The following TRAP1 variants were observed in gnomAD, a reference collection of about 807,000 sequenced individuals.
TRAP1 encodes the protein TNF receptor associated protein 1, also known as heat shock protein 75 kDa, mitochondrial.
TRAP1 carries 102 observed loss-of-function variants against 89.1 expected under a neutral mutation model. The observed-to-expected ratio is 1.15, with a 90% CI of 0.98 to 1.35. TRAP1 has a LOEUF of 1.35. Among genes scored for constraint, TRAP1 ranks in the 40% most tolerant of loss-of-function variants. The pLI is 0.00. For missense variants in TRAP1, 1,256 were observed against 945.3 expected, an observed-to-expected ratio of 1.33 and a Z score of -4.31; for synonymous variants, 508 against 388.0, an observed-to-expected ratio of 1.31 and a Z score of -3.64.
intron 4 of TRAP1, among the ~76,000 whole-genome samples, chr16:3,684,549 G>T (rs1300021800): frequency 6.6e-6 from 1 of 152,116 alleles, no homozygotes; most frequent in African/African-American, 2.4e-5. Context: ...CTAACACTTG[G>T]GAGGCCAAGG....
rs376671582 is a variant in TRAP1 at position 3,662,831 on chromosome 16, C to T, written c.1794+51G>A. On this transcript the variant is annotated intron_variant, in intron 15 of 17. Coordinates refer to ENST00000246957, the MANE Select transcript of TRAP1 (RefSeq NM_016292.3). ...TACTGGGAGCCACCAGCTGGCCAGCCTGTTAGGGACACTGCGGCCAAGTGG... is the reference window on the plus strand; with the variant it reads ...TACTGGGAGCCACCAGCTGGCCAGCTTGTTAGGGACACTGCGGCCAAGTGG... 2.5e-6 allele frequency: 4 copies of T among 1,583,904 alleles called. No homozygotes were observed. The Admixed American group carries it at 5.0e-5, about 20-fold the overall frequency.
At chr16:3,700,074 AG>A (rs1472303376) in intron 1 of TRAP1, among the ~76,000 whole-genome samples, 3 of 152,188 alleles carry the variant, frequency 2.0e-5, no homozygotes, top group African/African-American at 7.2e-5. Flanking sequence ...AAATTAGGGC[AG>A]GAAAAAGCTT....
In TRAP1 at chr16:3,672,779, G is replaced by A. The variant is rs370231813; in HGVS notation, c.1086C>T (p.Ser362=). ...MFDVSRELGS[S]VALYSRKVLI... ...GGACTTTGCGGCTGTACAGTGCAAC[G>A]CTGGAGCCCAGCTCCCGGCTCACAT... Residue 362 remains serine (S), a synonymous_variant, in exon 10 of 18, where the codon AGC becomes AGT. Transcript: ENST00000246957. 5.0e-5 allele frequency: 81 copies of A among 1,612,528 alleles called. No homozygotes were observed. In the Admixed American group the frequency reaches 5.9e-4, roughly 12 times the overall value.
At chr16:3,675,082 G>C (rs1370047280) in intron 8 of TRAP1, among the ~76,000 whole-genome samples, 2 of 152,196 alleles carry the variant, frequency 1.3e-5, no homozygotes, top group East Asian at 3.9e-4. Flanking sequence ...TGGTGAGCCA[G>C]CTGGGATGGG....
At chr16:3,660,351 A>G (rs2043001057) in intron 16 of TRAP1, 1 of 152,268 alleles carries the variant, frequency 6.6e-6, no homozygotes, top group Non-Finnish European at 1.5e-5. Flanking sequence ...ATGAAAGTGA[A>G]GCTGGCTGGG....
intron 15 of TRAP1, 134 bp downstream of exon 15, chr16:3,662,748 G>T (rs1021050145): frequency 2.5e-6 from 2 of 814,450 alleles, no homozygotes; most frequent in African/African-American, 1.7e-5. Context: ...GACCCACAGG[G>T]TCTCCACCTG....
At chr16:3,663,157 T>C in intron 14 of TRAP1, 190 bp from the exon 15 acceptor site, 1 of 655,860 alleles carries the variant, frequency 1.5e-6, no homozygotes, top group South Asian at 2.0e-5. Flanking sequence ...CCATACAACT[T>C]GGTTAGGGCT....
At chr16:3,709,112 G>C (rs1045238241) in intron 1 of TRAP1, among the ~76,000 whole-genome samples, 7 of 150,906 alleles carry the variant, frequency 4.6e-5, no homozygotes, top group African/African-American at 1.7e-4. Context: ...ACCGTGCCTG[G>C]CCCGACACTG....
At chr16:3,678,393 C>G (rs1222176113) in intron 5 of TRAP1, 3 of 152,236 alleles carry the variant, frequency 2.0e-5, no homozygotes, top group Non-Finnish European at 4.4e-5. Flanking sequence ...AGACCAACCT[C>G]GAGAGAAATA....
intron 1 of TRAP1, among the ~76,000 whole-genome samples, chr16:3,702,415 A>G (rs1435635937): frequency 6.6e-6 from 1 of 151,690 alleles, no homozygotes; most frequent in Non-Finnish European, 1.5e-5. Flanking sequence ...AAGTTTTTTG[A>G]GAAAAGACTT....
At position 3,662,929 on chromosome 16, in the gene TRAP1, T is replaced by C. The variant is rs371118456; in HGVS notation, c.1747A>G (p.Met583Val). The change falls in exon 15 of 18, where the codon ATG (methionine) becomes GTG (valine). Residue 583 changes from methionine (M) to valine (V), a missense_variant. By Grantham distance (21) the Met-to-Val change is conservative. Coordinates refer to ENST00000246957, the MANE Select transcript of TRAP1 (RefSeq NM_016292.3). Reference protein sequence around the residue: ...CLSEKETEELMAWMRNVLGSR... With the variant: ...CLSEKETEELVAWMRNVLGSR... ...CCCAGCACATTTCTCATCCAGGCCA[T>C]GAGCTCCTCCGTCTCCTTCTCTGAT... is the stretch of plus-strand genomic sequence containing the variant. 44 of 1,612,904 alleles carry C rather than the reference T, an allele frequency of 2.7e-5. No homozygotes were observed. The highest frequency in any genetic ancestry group is 3.7e-5 in the Non-Finnish European group (44 of 1,179,998).
At position 3,674,330 on chromosome 16, in the gene TRAP1, G is replaced by A. The variant is rs759791535; in HGVS notation, c.1044+9C>T. 9.9e-6 allele frequency: 16 copies of A among 1,613,632 alleles called. No homozygotes were observed. The highest frequency in any genetic ancestry group is 1.6e-4 in the Middle Eastern group (1 of 6,080). On this transcript the variant is annotated intron_variant, in intron 9 of 17. Transcript: ENST00000246957. ...CCCTGAGGGCCGTGGGACTGCCACAGTGCCTCACCATGTCGGGCACGTAGA... is the reference window on the plus strand; with the variant it reads ...CCCTGAGGGCCGTGGGACTGCCACAATGCCTCACCATGTCGGGCACGTAGA...
At chr16:3,712,013 C>T (rs751337536) in intron 1 of TRAP1, among the ~76,000 whole-genome samples, 11 of 151,804 alleles carry the variant, frequency 7.2e-5, no homozygotes, top group Non-Finnish European at 1.3e-4. Context: ...TTGTCAGGCC[C>T]GACGTGGTAG....
intron 14 of TRAP1, 94 bp downstream of exon 14, chr16:3,663,330 T>G: frequency 6.5e-7 from 1 of 1,539,244 alleles, no homozygotes; most frequent in Admixed American, 1.9e-5. Context: ...CCAGGTCAAC[T>G]GACGAAAACC....
intron 4 of TRAP1, among the ~76,000 whole-genome samples, chr16:3,681,415 G>C (rs910488160): frequency 1.4e-4 from 22 of 152,122 alleles, no homozygotes; most frequent in African/African-American, 5.1e-4. Context: ...TCCCATTGTA[G>C]GCAGCACAGG....
chr16:3,676,001 T>C, intron 7 of TRAP1, 35 bp downstream of exon 7: 1 of 1,575,022 alleles, frequency 6.3e-7, no homozygotes, highest in Non-Finnish European at 8.7e-7. Context: ...CACACATGGA[T>C]CCCAGAGTGA....
intron 3 of TRAP1, chr16:3,686,957 G>A (rs114354317): frequency 4.6e-5 from 7 of 152,296 alleles, no homozygotes; most frequent in African/African-American, 1.7e-4. Flanking sequence ...GACAGAGAGA[G>A]ACTCTGTCTC....
intron 1 of TRAP1, among the ~76,000 whole-genome samples, chr16:3,707,209 G>A (rs1055967495): frequency 9.2e-5 from 13 of 141,808 alleles, no homozygotes; most frequent in Non-Finnish European, 1.8e-4. Flanking sequence ...TTTTTGAGGC[G>A]GAGTCTCGCT....
chr16:3,679,098 C>T (rs921147776), intron 5 of TRAP1, among the ~76,000 whole-genome samples: 47 of 151,890 alleles, frequency 3.1e-4, no homozygotes, highest in African/African-American at 1.1e-3. Flanking sequence ...GAGGATAGCC[C>T]GGCCAACATG....
Sources: gnomAD v4.1 joint callset for allele counts (sites outside exome capture counted in the v4.1 genomes callset) on GRCh38, gnomAD v4.1.1 for gene constraint, MANE v1.5 for transcripts, NCBI Gene and HGNC (gene_info 2026-07-23, HGNC 2026-07-21) for gene names.